The following RNLS variants were observed in gnomAD, a reference collection of about 807,000 sequenced individuals.
RNLS encodes renalase, FAD dependent amine oxidase, also known as renalase.
RNLS carries 39 observed loss-of-function variants against 39.8 expected under a neutral mutation model. The ratio of observed to expected loss-of-function variants is 0.98; its 90% CI spans 0.76 to 1.28. The LOEUF is 1.28. Ranked by LOEUF, RNLS falls within the 50% of genes most tolerant of loss-of-function variation. The pLI, the probability that RNLS is intolerant of heterozygous loss-of-function variation, is 0.00. For synonymous variants in RNLS, 147 were observed against 150.7 expected, an observed-to-expected ratio of 0.98 and a Z score of 0.18; for missense variants, 410 against 413.3, an observed-to-expected ratio of 0.99 and a Z score of 0.07.
chr10:88,221,878 C>G, the RNLS span, among the ~76,000 whole-genome samples: 1 of 152,188 alleles, frequency 6.6e-6, no homozygotes, highest in Admixed American at 6.5e-5. Flanking sequence ...GTTCCAGCAG[C>G]AAATCCGCTC....
chr10:88,334,152 A>G (rs1426846895), intron 5 of RNLS, among the ~76,000 whole-genome samples: 1 of 152,202 alleles, frequency 6.6e-6, no homozygotes, highest in Non-Finnish European at 1.5e-5. Context: ...ATTATTTCTG[A>G]TATAGCTAAA....
At chr10:88,281,236 C>T (rs1162580178), downstream of RNLS, among the ~76,000 whole-genome samples, 1 of 152,120 alleles carries the variant, frequency 6.6e-6, no homozygotes, top group East Asian at 1.9e-4. Context: ...TTGTGCTGAG[C>T]ACACTAATAT....
At chr10:88,567,709 A>T (rs573708804) in intron 4 of RNLS, among the ~76,000 whole-genome samples, 2 of 152,264 alleles carry the variant, frequency 1.3e-5, no homozygotes, top group South Asian at 2.1e-4. Context: ...ATTATCACAC[A>T]CTGTACTAGA....
chr10:88,332,070 G>A (rs1183561388), intron 5 of RNLS, among the ~76,000 whole-genome samples: 4 of 152,184 alleles, frequency 2.6e-5, no homozygotes, highest in African/African-American at 4.8e-5. Context: ...CCTTGGCTGC[G>A]TGTCTACTGC....
At chr10:88,568,140 CAGAGCCACAAAAA>C (rs1208605294) in intron 4 of RNLS, among the ~76,000 whole-genome samples, 1 of 152,128 alleles carries the variant, frequency 6.6e-6, no homozygotes, top group African/African-American at 2.4e-5. Flanking sequence ...ACTGACAAAA[CAGAGCCACAAAAA>C]AGTAAGAACA....
chr10:88,256,463 C>CCAGTTAAG, the RNLS span, among the ~76,000 whole-genome samples: 1 of 152,228 alleles, frequency 6.6e-6, no homozygotes, highest in African/African-American at 2.4e-5. Context: ...GCAAGTTATT[C>CCAGTTAAG]CAGTTAAGGT....
chr10:88,278,256 A>G (rs1589447356), intron 6 of RNLS, among the ~76,000 whole-genome samples: 1 of 152,228 alleles, frequency 6.6e-6, no homozygotes, highest in East Asian at 1.9e-4. Flanking sequence ...CTGTATCACT[A>G]ACATTCAGTT....
intron 4 of RNLS, among the ~76,000 whole-genome samples, chr10:88,366,446 G>A (rs1295145141): frequency 4.6e-5 from 7 of 151,460 alleles, no homozygotes; most frequent in Non-Finnish European, 8.8e-5. Flanking sequence ...AAATATATAG[G>A]TGTGTGTGTG....
intron 6 of RNLS, among the ~76,000 whole-genome samples, chr10:88,300,155 GC>G (rs1193930688): frequency 5.9e-5 from 9 of 152,262 alleles, no homozygotes; most frequent in African/African-American, 1.4e-4. Flanking sequence ...AGATATCTGA[GC>G]CCTCTAATCC....
chr10:88,283,999 T>C, downstream of RNLS: 1 of 358,400 alleles, frequency 2.8e-6, no homozygotes, highest in Non-Finnish European at 3.9e-6. Context: ...TAGTCAAATA[T>C]GGGCGAAAAT....
At chr10:88,311,347 A>G (rs1207509209) in intron 6 of RNLS, among the ~76,000 whole-genome samples, 1 of 152,196 alleles carries the variant, frequency 6.6e-6, no homozygotes, top group East Asian at 1.9e-4. Flanking sequence ...TTAATATATC[A>G]TACTTGTTAC....
At chr10:88,272,549 C>T (rs1026166882), downstream of RNLS, among the ~76,000 whole-genome samples, 2 of 152,132 alleles carry the variant, frequency 1.3e-5, no homozygotes, top group Admixed American at 1.3e-4. Flanking sequence ...TTAACCTGAC[C>T]TAAATGTGAC....
At chr10:88,302,124 A>C (rs182362641) in intron 6 of RNLS, among the ~76,000 whole-genome samples, 2 of 152,224 alleles carry the variant, frequency 1.3e-5, no homozygotes, top group Non-Finnish European at 2.9e-5. Flanking sequence ...CCATTTACAG[A>C]TGAGGACCTT....
intron 5 of RNLS, among the ~76,000 whole-genome samples, chr10:88,340,236 T>C (rs1253586507): frequency 6.6e-6 from 1 of 152,200 alleles, no homozygotes; most frequent in South Asian, 2.1e-4. Flanking sequence ...CAGGGTGCCT[T>C]AGGAAGTTCT....
intron 4 of RNLS, among the ~76,000 whole-genome samples, chr10:88,538,263 C>A (rs1847871534): frequency 6.6e-6 from 1 of 152,122 alleles, no homozygotes; most frequent in Admixed American, 6.6e-5. Context: ...TGACTCTTAG[C>A]CCAGAAGTTC....
downstream of RNLS, among the ~76,000 whole-genome samples, chr10:88,269,724 C>T (rs550011653): frequency 1.3e-5 from 2 of 152,222 alleles, no homozygotes; most frequent in South Asian, 4.1e-4. Flanking sequence ...TAGAGGAATA[C>T]AATGTGTTCC....
chr10:88,260,400 C>A, the RNLS span, among the ~76,000 whole-genome samples: 7 of 152,204 alleles, frequency 4.6e-5, no homozygotes, highest in African/African-American at 1.7e-4. Flanking sequence ...TGAATTAATG[C>A]AAGTATGGAA....
intron 4 of RNLS, among the ~76,000 whole-genome samples, chr10:88,492,911 C>A (rs1388700368): frequency 1.3e-5 from 2 of 152,110 alleles, no homozygotes; most frequent in African/African-American, 2.4e-5. Context: ...TACATCAGTT[C>A]ACTTTCTACC....
At chr10:88,496,216 CTG>C (rs1217839306) in intron 4 of RNLS, among the ~76,000 whole-genome samples, 2 of 152,092 alleles carry the variant, frequency 1.3e-5, no homozygotes, top group African/African-American at 2.4e-5. Flanking sequence ...ATAGACAAGA[CTG>C]TATGAATCCA....
Sources: gnomAD v4.1 joint callset for allele counts (sites outside exome capture counted in the v4.1 genomes callset) on GRCh38, gnomAD v4.1.1 for gene constraint, MANE v1.5 for transcripts, NCBI Gene and HGNC (gene_info 2026-07-23, HGNC 2026-07-21) for gene names.